TLR5: variants seen among roughly 807,000 people sequenced by gnomAD.
The protein encoded by TLR5 is toll like receptor 5.
For missense variants in TLR5, 944 were observed against 999.8 expected, an observed-to-expected ratio of 0.94 and a Z score of 0.75; for synonymous variants, 373 against 384.4, an observed-to-expected ratio of 0.97 and a Z score of 0.35.
At chr1:223,115,759 T>C (rs1194001988) in intron 5 of TLR5, among the ~76,000 whole-genome samples, 2 of 152,080 alleles carry the variant, frequency 1.3e-5, no homozygotes, top group Non-Finnish European at 2.9e-5. Flanking sequence ...CTGCTGTTTA[T>C]AGAGAGGAGT....
intron 4 of TLR5, among the ~76,000 whole-genome samples, chr1:223,133,657 C>G (rs1380392591): frequency 6.6e-6 from 1 of 152,240 alleles, no homozygotes; most frequent in African/African-American, 2.4e-5. Context: ...ACATTCACTT[C>G]CCCTTCCTCC....
At chr1:223,129,395 C>A (rs1186715426) in intron 5 of TLR5, 1 of 152,418 alleles carries the variant, frequency 6.6e-6, no homozygotes, top group Admixed American at 6.5e-5. Context: ...GCCCACCAGG[C>A]CCTGGCCCTC....
intron 5 of TLR5, among the ~76,000 whole-genome samples, chr1:223,124,603 C>T (rs760357094): frequency 6.6e-6 from 1 of 152,050 alleles, no homozygotes; most frequent in Non-Finnish European, 1.5e-5. Flanking sequence ...AAGATTGCAG[C>T]TTGTGAGTTA....
chr1:223,135,476 C>A (rs539022825), intron 3 of TLR5, among the ~76,000 whole-genome samples: 3 of 152,262 alleles, frequency 2.0e-5, no homozygotes, highest in African/African-American at 7.2e-5. Context: ...TACATGAGAC[C>A]ATGGCAAAAA....
chr1:223,140,175 T>C lies in TLR5; in HGVS notation c.-439+1473A>G, dbSNP rs868627774. On this transcript the variant is annotated intron_variant, in intron 2 of 5. Transcript: ENST00000642603. ...GAGAAGGTGCCATTTGAGCTGCTTC[T>C]TAAAAAATGTAGGGGATTGGTCAGC... 2.6e-4 allele frequency among the ~76,000 whole-genome samples: 39 copies of C among 152,120 alleles called. 1 individual carries two copies. Among genetic ancestry groups the C allele is most frequent in the African/African-American group, 9.4e-4 (39 of 41,404 alleles).
intron 5 of TLR5, among the ~76,000 whole-genome samples, chr1:223,116,843 A>G (rs1175157531): frequency 6.6e-6 from 1 of 152,154 alleles, no homozygotes. Flanking sequence ...ACAATCCTCT[A>G]CCTAGACATA....
chr1:223,112,096 C>T lies in TLR5; in HGVS notation c.936G>A (p.Lys312=). The change falls in exon 6 of 6, where the codon AAG becomes AAA. Residue 312 remains lysine (K), a synonymous_variant. Transcript: ENST00000642603. The part of the protein sequence containing the change: ...SLNSRVFETL[K]DLKVLNLAYN... ...AGGCAAGGTTCAGAACCTTCAAATC[C>T]TTGAGTGTCTCAAAGACTCGTGAGT... 6.2e-7 allele frequency: 1 copy of T among 1,614,162 alleles called. No homozygotes were observed. Among genetic ancestry groups the T allele is most frequent in the Non-Finnish European group, 8.5e-7 (1 of 1,180,036 alleles).
chr1:223,133,559 C>T (rs1184179830), intron 4 of TLR5, among the ~76,000 whole-genome samples: 1 of 152,162 alleles, frequency 6.6e-6, no homozygotes, highest in Admixed American at 6.6e-5. Flanking sequence ...GCTCATTACC[C>T]CCATGCCCAC....
rs780454716 is a variant in TLR5 at position 223,110,482 on chromosome 1, C to T, written c.2550G>A (p.Pro850=). The stretch of plus-strand genomic sequence containing the variant: ...AGGAGATGGTTGCTACAGTTTGCAA[C>T]GGAATGTTATTGTCTTTCTTCTTTT... ...EKEKKKDNNI[P]LQTVATIS The change falls in exon 6 of 6, where the codon CCG becomes CCA. Residue 850 remains proline, a synonymous_variant. Coordinates refer to ENST00000642603, the MANE Select transcript of TLR5 (RefSeq NM_003268.6). 2.0e-5 allele frequency: 32 copies of T among 1,614,020 alleles called. No homozygotes were observed. Among genetic ancestry groups the T allele is most frequent in the Admixed American group, 3.3e-5 (2 of 59,996 alleles).
intron 5 of TLR5, among the ~76,000 whole-genome samples, chr1:223,117,255 C>T (rs530207671): frequency 2.0e-5 from 3 of 152,210 alleles, no homozygotes; most frequent in East Asian, 1.9e-4. Context: ...GCCAAGCCCA[C>T]GCCCACCCAG....
intron 5 of TLR5, among the ~76,000 whole-genome samples, chr1:223,119,950 A>AAATAAAATAAAATAAAATAAAAT (rs1656861787): frequency 2.9e-5 from 2 of 68,238 alleles, no homozygotes; most frequent in Non-Finnish European, 4.9e-5. Flanking sequence ...ACTGTCTCAA[A>AAATAAAATAAAATAAAATAAAAT]AATAAAATAA....
At chr1:223,113,072 T>C (rs761657843) in intron 5 of TLR5, 37 bp from the exon 6 acceptor site, 2 of 1,605,942 alleles carry the variant, frequency 1.2e-6, no homozygotes, top group East Asian at 2.2e-5. Flanking sequence ...CACAGGCATT[T>C]AAGCTCGAGG....
Position 223,110,198 on chromosome 1 carries a change from T to C in TLR5, c.*257A>G, listed in dbSNP as rs562813188. 68 of 527,192 alleles carry C rather than the reference T, an allele frequency of 1.3e-4. No individual in the cohort carries two copies. The Admixed American group carries it at 2.1e-3, about 16-fold the overall frequency. 32.7% of individuals were successfully genotyped at this position (527,192 alleles called of 1,614,324 possible). On this transcript the variant is annotated 3_prime_UTR_variant, in exon 6 of 6. Transcript: ENST00000642603. ...TCAACACAGCAGGACAGAACGGTAT[T>C]ATTGGATCTGAAAGAAAATCAATGG...
At chr1:223,140,475 A>G (rs1369382331) in intron 2 of TLR5, among the ~76,000 whole-genome samples, 2 of 150,302 alleles carry the variant, frequency 1.3e-5, no homozygotes, top group Non-Finnish European at 1.5e-5. Context: ...TAAACCCAGG[A>G]GGCAGAGGTT....
chr1:223,112,810 C>A lies in TLR5; in HGVS notation c.222G>T (p.Leu74=), dbSNP rs753684778. Residue 74 remains leucine, a synonymous_variant, in exon 6 of 6, where the codon CTG becomes CTT. Transcript: ENST00000642603. ...GGGTATACTGGCTCCCGAGCTCCAG[C>A]AGCTGCAGCTGTTCCAGAAAGGGGA... ...SSFPFLEQLQ[L]LELGSQYTPL... is the part of the protein sequence containing the mutation. The A allele has an allele frequency of 3.7e-6, 6 of 1,612,008 alleles. No homozygotes were observed. In the East Asian group the frequency reaches 1.3e-4, roughly 36 times the overall value.
intron 5 of TLR5, among the ~76,000 whole-genome samples, chr1:223,124,999 G>A (rs1278921767): frequency 2.0e-5 from 3 of 152,220 alleles, no homozygotes; most frequent in African/African-American, 7.2e-5. Context: ...ATCACACATG[G>A]AGAATGAGGT....
chr1:223,135,154 T>G (rs1657557742), intron 3 of TLR5, among the ~76,000 whole-genome samples: 1 of 152,080 alleles, frequency 6.6e-6, no homozygotes, highest in African/African-American at 2.4e-5. Flanking sequence ...TGATGCAAGG[T>G]AAGCCCTGAA....
Position 223,110,948 on chromosome 1 carries a change from G to C in TLR5, c.2084C>G (p.Ala695Gly). Residue 695 changes from alanine (A) to glycine (G), a missense_variant, in exon 6 of 6, where the codon GCC becomes GGC. Ala to Gly is a moderately conservative substitution (Grantham distance 60). Coordinates refer to ENST00000642603, the MANE Select transcript of TLR5 (RefSeq NM_003268.6). ...GTCTTTGCTGCTGAAGCACAAATAG[G>C]CATCATATTTGTACATATCAGGTTC... The part of the protein sequence containing the change: ...GTEPDMYKYD[A>G]YLCFSSKDFT... 6.2e-7 allele frequency: 1 copy of C among 1,614,222 alleles called. No homozygotes were observed. The highest frequency in any genetic ancestry group is 8.5e-7 in the Non-Finnish European group (1 of 1,180,040).
intron 5 of TLR5, among the ~76,000 whole-genome samples, chr1:223,116,934 C>G (rs1656687378): frequency 6.6e-6 from 1 of 152,234 alleles, no homozygotes; most frequent in African/African-American, 2.4e-5. Context: ...AGGGGCAGAG[C>G]TGCCCGCCAG....
Sources: gnomAD v4.1 joint callset for allele counts (sites outside exome capture counted in the v4.1 genomes callset) on GRCh38, gnomAD v4.1.1 for gene constraint, MANE v1.5 for transcripts, NCBI Gene and HGNC (gene_info 2026-07-23, HGNC 2026-07-21) for gene names.